RPP14: variants seen among roughly 807,000 people sequenced by gnomAD.
The protein encoded by RPP14 is ribonuclease P protein subunit p14.
In RPP14, 19 loss-of-function variants were observed where a neutral mutation model predicts 17.8. The ratio of observed to expected loss-of-function variants is 1.07; its 90% CI spans 0.74 to 1.57. The LOEUF (loss-of-function observed/expected upper bound fraction) is 1.57. RPP14 is among the 40% of genes most tolerant of loss of function. The pLI, the probability that RPP14 is intolerant of heterozygous loss-of-function variation, is 0.00. For synonymous variants in RPP14, 60 were observed against 56.4 expected, an observed-to-expected ratio of 1.06 and a Z score of -0.29; for missense variants, 125 against 140.8, an observed-to-expected ratio of 0.89 and a Z score of 0.57.
intron 3 of RPP14, among the ~76,000 whole-genome samples, chr3:58,311,149 T>C (rs1368287470): frequency 1.5e-5 from 2 of 131,782 alleles, no homozygotes; most frequent in Non-Finnish European, 3.5e-5. Flanking sequence ...GTTGTTGTTG[T>C]TGTTGTTGTT....
chr3:58,313,659 A>T (rs2097484828), intron 3 of RPP14, among the ~76,000 whole-genome samples: 1 of 152,116 alleles, frequency 6.6e-6, no homozygotes, highest in African/African-American at 2.4e-5. Flanking sequence ...CCATCTCTAC[A>T]AAACAATTTG....
chr3:58,314,598 G>A (rs2097486197), intron 3 of RPP14, among the ~76,000 whole-genome samples: 1 of 149,186 alleles, frequency 6.7e-6, no homozygotes, highest in South Asian at 2.1e-4. Context: ...TAGCAAGAAT[G>A]CAAAGAAACT....
At chr3:58,314,606 A>T (rs1321969127) in intron 3 of RPP14, among the ~76,000 whole-genome samples, 1 of 151,946 alleles carries the variant, frequency 6.6e-6, no homozygotes, top group African/African-American at 2.4e-5. Context: ...ATGCAAAGAA[A>T]CTAGATCACT....
chr3:58,313,417 A>G (rs1056525983), intron 3 of RPP14, among the ~76,000 whole-genome samples: 1 of 152,242 alleles, frequency 6.6e-6, no homozygotes, highest in African/African-American at 2.4e-5. Context: ...TCAGAAGTTG[A>G]AAGAAGACAG....
At chr3:58,315,179 T>C (rs975667767) in intron 3 of RPP14, among the ~76,000 whole-genome samples, 2 of 152,150 alleles carry the variant, frequency 1.3e-5, no homozygotes, top group African/African-American at 2.4e-5. Flanking sequence ...TAAACTGTGG[T>C]ACATTCCTAC....
chr3:58,316,880 A>G (rs754123813), intron 4 of RPP14, 35 bp from the exon 5 acceptor site: 31 of 1,543,332 alleles, frequency 2.0e-5, no homozygotes, highest in African/African-American at 4.1e-5. Flanking sequence ...TTCTCTGTCT[A>G]TGACACACTA....
At chr3:58,309,009 A>G (rs538299005) in intron 1 of RPP14, among the ~76,000 whole-genome samples, 1 of 152,354 alleles carries the variant, frequency 6.6e-6, no homozygotes, top group South Asian at 2.1e-4. Flanking sequence ...AGCTGCATTG[A>G]GTGCCCCTTC....
chr3:58,317,732 A>G lies in RPP14; in HGVS notation c.*236A>G. 1.4e-6 allele frequency: 1 copy of G among 703,574 alleles called. No individual in the cohort carries two copies. Among genetic ancestry groups the G allele is most frequent in the Non-Finnish European group, 2.6e-6 (1 of 385,012 alleles). The allele number at this position is 703,574 out of a possible 1,614,324, so 43.6% of individuals were successfully genotyped here. A position where few individuals can be genotyped will look rare whatever the true frequency, so the allele number is the denominator to read the frequency against. ...CAGCATATGCACATCAAAGTTGGAG[A>G]CCGCGCTGAACTTAGGAGGGCCTTC... is the stretch of plus-strand genomic sequence containing the variant. On this transcript the variant is annotated 3_prime_UTR_variant, in exon 6 of 6. Transcript: ENST00000295959.
chr3:58,315,261 T>C (rs867652701), intron 3 of RPP14, among the ~76,000 whole-genome samples: 7 of 152,272 alleles, frequency 4.6e-5, no homozygotes, highest in Middle Eastern at 6.8e-3. Flanking sequence ...CAGAGAATTA[T>C]GCTGAGCGAA....
intron 1 of RPP14, among the ~76,000 whole-genome samples, chr3:58,307,185 G>C (rs566594569): frequency 2.6e-5 from 4 of 152,350 alleles, no homozygotes; most frequent in African/African-American, 9.6e-5. Flanking sequence ...AGGACATGAA[G>C]TCAGAGGTGT....
rs1351020437 is a variant in RPP14 at position 58,319,993 on chromosome 3, A to G, written c.*2497A>G. On this transcript the variant is annotated 3_prime_UTR_variant, in exon 6 of 6. Transcript: ENST00000295959. ...AGCAGTCAATCCATTTCTCTCCTCC[A>G]GTCTTTGGGAATCACCAGTCTACTT... The G allele has an allele frequency of 6.6e-6, 1 of 152,080 alleles. No individual in the cohort carries two copies. The highest frequency in any genetic ancestry group is 1.5e-5 in the Non-Finnish European group (1 of 68,026). 9.4% of individuals were successfully genotyped at this position (152,080 alleles called of 1,614,324 possible).
rs1385365235 is a variant in RPP14, at chr3:58,318,291, T to C, written c.*795T>C. 5.5e-6 allele frequency: 3 copies of C among 543,458 alleles called. No individual in the cohort carries two copies. The highest frequency in any genetic ancestry group is 3.0e-5 in the East Asian group (1 of 33,660). 33.7% of individuals were successfully genotyped at this position (543,458 alleles called of 1,614,324 possible). On this transcript the variant is annotated 3_prime_UTR_variant, in exon 6 of 6. Transcript: ENST00000295959. ...ATGCCCACTTTCCAGTTTGGCCTTA[T>C]GCTTCATGCAGACTTGAGTGTATGC...
In RPP14 at chr3:58,318,339, T is replaced by C. The variant is rs1559797023; in HGVS notation, c.*843T>C. On this transcript the variant is annotated 3_prime_UTR_variant, in exon 6 of 6. Transcript: ENST00000295959. ...TGCAGGATTTCATTATCTGCCTGGG[T>C]TTTTTGTTTGTTTTTTGTTTTTTAA... 2.3e-6 allele frequency: 1 copy of C among 427,264 alleles called. No homozygotes were observed. The highest frequency in any genetic ancestry group is 4.1e-6 in the Non-Finnish European group (1 of 242,868). The allele number at this position is 427,264 out of a possible 1,614,324, so 26.5% of individuals were successfully genotyped here.
intron 3 of RPP14, among the ~76,000 whole-genome samples, chr3:58,313,174 G>C (rs1246103547): frequency 2.0e-5 from 3 of 151,668 alleles, no homozygotes; most frequent in African/African-American, 7.3e-5. Flanking sequence ...CAGGAGAATG[G>C]CATGAACCCG....
At chr3:58,311,160 G>C (rs1359034108) in intron 3 of RPP14, among the ~76,000 whole-genome samples, 2 of 146,936 alleles carry the variant, frequency 1.4e-5, no homozygotes, top group African/African-American at 5.0e-5. Flanking sequence ...TGTTGTTGTT[G>C]TTGTTTTTCT....
intron 1 of RPP14, among the ~76,000 whole-genome samples, chr3:58,307,205 AGTCCTGCAG>A (rs1309873898): frequency 7.2e-5 from 11 of 152,158 alleles, no homozygotes; most frequent in Non-Finnish European, 1.6e-4. Flanking sequence ...TAGAGGGAGC[AGTCCTGCAG>A]GTGAGGCAGA....
rs2097488470 is a variant in RPP14 at position 58,316,547 on chromosome 3, C to T, written c.195C>T (p.Thr65=). The change falls in exon 4 of 6, where the codon ACC becomes ACT. Residue 65 remains threonine (T), a synonymous_variant. Transcript: ENST00000295959. The part of the protein sequence containing the change: ...VDAALPLDIL[T]YEEKTLSAIL... Reference sequence around the variant, plus strand: ...CCGCCTTACCTTTGGACATCCTAACCTATGAAGAGAAGACCTTGTCAGCCA... The same window carrying T: ...CCGCCTTACCTTTGGACATCCTAACTTATGAAGAGAAGACCTTGTCAGCCA... 1 of 1,614,108 alleles carries T rather than the reference C, an allele frequency of 6.2e-7. No homozygotes were observed. The highest frequency in any genetic ancestry group is 1.1e-5 in the South Asian group (1 of 91,082).
chr3:58,308,250 G>A (rs553428954), intron 1 of RPP14, among the ~76,000 whole-genome samples: 5 of 151,998 alleles, frequency 3.3e-5, no homozygotes, highest in African/African-American at 1.2e-4. Context: ...TCTCTCATTT[G>A]AATACCTACT....
At chr3:58,313,944 T>G (rs568828320) in intron 3 of RPP14, among the ~76,000 whole-genome samples, 1 of 152,370 alleles carries the variant, frequency 6.6e-6, no homozygotes, top group Non-Finnish European at 1.5e-5. Flanking sequence ...CCCAACACTT[T>G]GGGAAGCCAG....
Sources: allele counts gnomAD v4.1 joint callset (sites outside exome capture counted in the v4.1 genomes callset), GRCh38; gene constraint gnomAD v4.1.1; transcripts MANE v1.5; gene names NCBI Gene and HGNC (gene_info 2026-07-23, HGNC 2026-07-21).